The following GPATCH8 variants were observed in gnomAD, a reference collection of about 807,000 sequenced individuals.
The protein encoded by GPATCH8 is G patch domain-containing protein 8.
Under a neutral mutation model 118.3 loss-of-function variants are expected in GPATCH8, and 18 were observed. That is an observed-to-expected ratio of 0.15 (90% CI 0.11 to 0.23). The LOEUF is 0.23. Among genes scored for constraint, GPATCH8 ranks in the 10% least tolerant of loss-of-function variants. The pLI is 1.00. For missense variants in GPATCH8, 1,631 were observed against 1,873.8 expected (o/e 0.87, Z 2.39); for synonymous variants, 659 against 684.7 (o/e 0.96, Z 0.59).
intron 2 of GPATCH8, among the ~76,000 whole-genome samples, chr17:44,470,359 G>A (rs965028510): frequency 3.3e-5 from 5 of 151,434 alleles, no homozygotes; most frequent in Non-Finnish European, 5.9e-5. Flanking sequence ...CACCACACCC[G>A]GCTAAGTTTT....
chr17:44,492,297 C>CAAG (rs1969307694), intron 1 of GPATCH8, among the ~76,000 whole-genome samples: 1 of 76,242 alleles, frequency 1.3e-5, no homozygotes, highest in Non-Finnish European at 2.4e-5. Context: ...TGAGACGTCT[C>CAAG]AAAAAAAAAA....
chr17:44,453,180 T>C (rs2051181010), intron 3 of GPATCH8, among the ~76,000 whole-genome samples: 1 of 152,188 alleles, frequency 6.6e-6, no homozygotes. Flanking sequence ...CTGATCAAGG[T>C]GTCTTTGGCT....
intron 1 of GPATCH8, among the ~76,000 whole-genome samples, chr17:44,502,875 G>C (rs553387423): frequency 6.6e-6 from 1 of 152,228 alleles, no homozygotes. Context: ...AGTGAAGAAA[G>C]AAAAGAGAAG....
intron 3 of GPATCH8, among the ~76,000 whole-genome samples, chr17:44,453,498 G>GTGTGTGTGTGTGTGTGTGTGTGTGTGT (rs1298562128): frequency 0.01 from 1,336 of 130,080 alleles, 35 homozygotes; most frequent in Admixed American, 0.014. Flanking sequence ...TAGGTAGGTA[G>GTGTGTGTGTGTGTGTGTGTGTGTGTGT]GGGTGTGTGT....
intron 3 of GPATCH8, among the ~76,000 whole-genome samples, chr17:44,459,026 G>A (rs1046156214): frequency 1.3e-5 from 2 of 152,108 alleles, no homozygotes; most frequent in African/African-American, 4.8e-5. Flanking sequence ...TTAAAATTCT[G>A]GGTTGTTATT....
intron 1 of GPATCH8, among the ~76,000 whole-genome samples, chr17:44,476,925 T>C (rs1463374315): frequency 6.6e-6 from 1 of 152,214 alleles, no homozygotes; most frequent in Non-Finnish European, 1.5e-5. Flanking sequence ...AATTTGCTTT[T>C]AAATCAAAAT....
chr17:44,449,348 G>C (rs1008147120), intron 3 of GPATCH8, among the ~76,000 whole-genome samples: 1 of 152,112 alleles, frequency 6.6e-6, no homozygotes, highest in Non-Finnish European at 1.5e-5. Flanking sequence ...ATGCTGGTCA[G>C]AATCGACATT....
intron 2 of GPATCH8, among the ~76,000 whole-genome samples, chr17:44,471,645 C>T (rs187792556): frequency 0.012 from 1,767 of 152,226 alleles, 18 homozygotes; most frequent in South Asian, 0.034. Context: ...GATTTTAATT[C>T]AGCACTCTTT....
rs2048862212 is a variant in GPATCH8, at chr17:44,398,409, G to A, written c.3668C>T (p.Pro1223Leu). 6.2e-7 allele frequency: 1 copy of A among 1,613,972 alleles called. No individual in the cohort carries two copies. The highest frequency in any genetic ancestry group is 8.5e-7 in the Non-Finnish European group (1 of 1,179,904). ...GTCAGAATGTGCTGGGGTGCCTAGT[G>A]GAGCCACAGGGTGATCAGCAGTAGC... ...GEATADHPVAPLGTPAHSDCY... is the reference protein window; with the variant it reads ...GEATADHPVALLGTPAHSDCY... Residue 1223 changes from proline to leucine, a missense_variant, in exon 8 of 8, where the codon CCA becomes CTA. Physicochemically the swap from Pro to Leu is moderately conservative, Grantham distance 98. This residue lies in a region of GPATCH8 where 922 missense variants were observed against 879.7 expected (regional missense o/e 1.05). Coordinates refer to ENST00000591680, the MANE Select transcript of GPATCH8 (RefSeq NM_001002909.4).
chr17:44,455,215 T>C (rs994848755), intron 3 of GPATCH8, among the ~76,000 whole-genome samples: 3 of 152,148 alleles, frequency 2.0e-5, no homozygotes, highest in Admixed American at 2.0e-4. Flanking sequence ...ATTTATAAAA[T>C]GAGTGGCCGG....
Position 44,436,520 on chromosome 17 carries a change from A to G in GPATCH8, c.219T>C (p.Val73=). ...LQGRTDPIPI[V]VKYDVMGMGR... ...CCATGCCCATGACATCATACTTGAC[A>G]ACGATTGGAATGGGATCTGTTCTCC... The change falls in exon 4 of 8, where the codon GTT becomes GTC. Residue 73 remains valine, a synonymous_variant. Coordinates refer to ENST00000591680, the MANE Select transcript of GPATCH8 (RefSeq NM_001002909.4). 4.0e-6 allele frequency: 6 copies of G among 1,518,206 alleles called. No homozygotes were observed. The highest frequency in any genetic ancestry group is 5.5e-6 in the Non-Finnish European group (6 of 1,092,288). 94.0% of individuals were successfully genotyped at this position (1,518,206 alleles called of 1,614,324 possible).
intron 6 of GPATCH8, among the ~76,000 whole-genome samples, chr17:44,410,982 T>G (rs1011771138): frequency 2.0e-5 from 3 of 152,250 alleles, no homozygotes; most frequent in Non-Finnish European, 2.9e-5. Context: ...AACGTTTTAC[T>G]GTGGACACAA....
chr17:44,412,580 C>T (rs1440796006), intron 6 of GPATCH8, among the ~76,000 whole-genome samples: 1 of 151,942 alleles, frequency 6.6e-6, no homozygotes, highest in East Asian at 1.9e-4. Flanking sequence ...GACAGGGTTT[C>T]ACCATGTTGG....
chr17:44,485,188 G>A (rs571884265), intron 1 of GPATCH8, among the ~76,000 whole-genome samples: 204 of 151,626 alleles, frequency 1.3e-3, no homozygotes, highest in African/African-American at 4.4e-3. Context: ...TTGGCTCACC[G>A]CACCTCCTGG....
At chr17:44,425,341 A>G (rs1458838337) in intron 5 of GPATCH8, among the ~76,000 whole-genome samples, 1 of 152,206 alleles carries the variant, frequency 6.6e-6, no homozygotes, top group African/African-American at 2.4e-5. Flanking sequence ...TACAGTTTCA[A>G]AGCAGCTCTA....
chr17:44,499,549 G>C (rs904247177), intron 1 of GPATCH8, among the ~76,000 whole-genome samples: 1 of 152,164 alleles, frequency 6.6e-6, no homozygotes, highest in Non-Finnish European at 1.5e-5. Context: ...ATATACTAAA[G>C]AACATTTCCT....
intron 6 of GPATCH8, among the ~76,000 whole-genome samples, chr17:44,407,024 G>A (rs2049258587): frequency 6.6e-6 from 1 of 152,144 alleles, no homozygotes; most frequent in Admixed American, 6.5e-5. Flanking sequence ...CAACAGCATT[G>A]GGAAAAGGAA....
In GPATCH8 at chr17:44,397,712, G is replaced by C; in HGVS notation, c.4365C>G (p.His1455Gln). 1 of 1,608,502 alleles carries C rather than the reference G, an allele frequency of 6.2e-7. No homozygotes were observed. ...SAIHPGPFTFHPVPHAALYPT... is the reference protein window; with the variant it reads ...SAIHPGPFTFQPVPHAALYPT... ...GGTAGAGGGCAGCATGTGGGACAGG[G>C]TGAAAGGTGAAGGGCCCAGGATGGA... is the stretch of plus-strand genomic sequence containing the variant. The change falls in exon 8 of 8, where the codon CAC becomes CAG. Residue 1455 changes from histidine (H) to glutamine (Q), a missense_variant. Transcript: ENST00000591680.
At chr17:44,401,598 C>T (rs1893753157) in intron 7 of GPATCH8, 145 bp from the exon 8 acceptor site, 2 of 658,974 alleles carry the variant, frequency 3.0e-6, no homozygotes, top group African/African-American at 3.6e-5. Context: ...ATTCCCTAGC[C>T]CTATACTAAC....
Sources: gnomAD v4.1 joint callset for allele counts (sites outside exome capture counted in the v4.1 genomes callset) on GRCh38, gnomAD v4.1.1 for gene constraint, gnomAD v4.1.1 regional missense constraint, MANE v1.5 for transcripts, NCBI Gene and HGNC (gene_info 2026-07-23, HGNC 2026-07-21) for gene names.